PKD1L1: variants seen among roughly 807,000 people sequenced by gnomAD.
The protein encoded by PKD1L1 is polycystin-1-like protein 1.
In PKD1L1, 236 loss-of-function variants were observed where a neutral mutation model predicts 323.4. The observed-to-expected ratio is 0.73, with a 90% CI of 0.66 to 0.81. PKD1L1 has a LOEUF of 0.81. PKD1L1 is among the 40% of genes least tolerant of loss of function. The probability of loss-of-function intolerance (pLI) is 0.00; values close to 1 mark genes in which losing one functional copy is unlikely to be tolerated. For missense variants in PKD1L1, 3,320 were observed against 3,508.0 expected, an observed-to-expected ratio of 0.95 and a Z score of 1.35; for synonymous variants, 1,344 against 1,335.0, an observed-to-expected ratio of 1.01 and a Z score of -0.15.
At chr7:47,836,835 G>A in intron 37 of PKD1L1, 86 bp downstream of exon 37, 1 of 1,444,594 alleles carries the variant, frequency 6.9e-7, no homozygotes, top group Non-Finnish European at 9.4e-7. Flanking sequence ...TCGGAGAACT[G>A]TGAGCTTTGT....
At chr7:47,887,689 A>G (rs1188078439) in intron 17 of PKD1L1, among the ~76,000 whole-genome samples, 1 of 152,216 alleles carries the variant, frequency 6.6e-6, no homozygotes. Context: ...GTCACATCGC[A>G]GGTCCTTCTG....
intron 56 of PKD1L1, among the ~76,000 whole-genome samples, chr7:47,782,193 G>A (rs748531956): frequency 2.0e-4 from 30 of 152,188 alleles, no homozygotes; most frequent in Non-Finnish European, 4.0e-4. Flanking sequence ...AATGTCACCT[G>A]CAGATTTTGA....
chr7:47,855,393 G>A, intron 28 of PKD1L1, 128 bp from the exon 29 acceptor site: 1 of 584,808 alleles, frequency 1.7e-6, no homozygotes, highest in Non-Finnish European at 2.9e-6. Flanking sequence ...GATATTAGAA[G>A]CTAGCATACA....
rs1017494820 is a variant in PKD1L1, at chr7:47,861,679, G to A, written c.4150-2794C>T. Among the ~76,000 whole-genome samples the A allele has an allele frequency of 8.6e-5, 13 of 151,662 alleles. No homozygotes were observed. In the East Asian group the frequency reaches 2.2e-3, roughly 25 times the overall value. On this transcript the variant is annotated intron_variant, in intron 26 of 56. Transcript: ENST00000289672. ...GGGCGGATCACAAGGTCAGGAGATC[G>A]AGACCATCCTGGCTAACACAGTGAA...
At chr7:47,841,970 C>A (rs371192338) in intron 34 of PKD1L1, among the ~76,000 whole-genome samples, 25 of 152,274 alleles carry the variant, frequency 1.6e-4, no homozygotes, top group Non-Finnish European at 3.1e-4. Flanking sequence ...TCATCCTGTA[C>A]GAAGAACCAT....
At chr7:47,875,952 T>C (rs1786394519) in intron 23 of PKD1L1, 145 bp downstream of exon 23, 3 of 725,704 alleles carry the variant, frequency 4.1e-6, no homozygotes, top group Non-Finnish European at 4.1e-6. Flanking sequence ...CACTAAAAGG[T>C]AGATAATAAA....
At chr7:47,926,537 A>G (rs147826456) in intron 7 of PKD1L1, among the ~76,000 whole-genome samples, 3 of 152,308 alleles carry the variant, frequency 2.0e-5, no homozygotes, top group Admixed American at 6.5e-5. Context: ...GGTCACTCAT[A>G]TTTGGCTCAG....
intron 13 of PKD1L1, among the ~76,000 whole-genome samples, chr7:47,901,100 G>A (rs548813767): frequency 9.4e-4 from 143 of 152,094 alleles, no homozygotes; most frequent in African/African-American, 3.3e-3. Context: ...AGAACTCTGG[G>A]AGGCCAAGGC....
chr7:47,851,512 C>T (rs1785782304), intron 31 of PKD1L1, among the ~76,000 whole-genome samples: 1 of 152,096 alleles, frequency 6.6e-6, no homozygotes, highest in African/African-American at 2.4e-5. Flanking sequence ...AGAATGCCAG[C>T]TAATTCATGG....
Position 47,786,339 on chromosome 7 carries a change from C to T in PKD1L1, c.8526+6288G>A, listed in dbSNP as rs531122310. On this transcript the variant is annotated intron_variant, in intron 56 of 56. Coordinates refer to ENST00000289672, the MANE Select transcript of PKD1L1 (RefSeq NM_138295.5). ...GGAAGAAGCTGAGAGAAAATTCACC[C>T]TCTTGATGGCTTCCTGCTCCTAAGT... Among the ~76,000 whole-genome samples, 10 of 137,164 alleles carry T rather than the reference C, an allele frequency of 7.3e-5. No homozygotes were observed. The South Asian group carries it at 2.4e-3, about 33-fold the overall frequency. The allele number at this position is 137,164 out of a possible 152,430, so 90.0% of individuals were successfully genotyped here. A position where few individuals can be genotyped will look rare whatever the true frequency, so the allele number is the denominator to read the frequency against.
intron 26 of PKD1L1, among the ~76,000 whole-genome samples, chr7:47,864,450 T>C (rs1207584345): frequency 6.6e-6 from 1 of 152,122 alleles, no homozygotes; most frequent in Non-Finnish European, 1.5e-5. Context: ...CCCAATGCCA[T>C]GTGTTACCAA....
At position 47,819,657 on chromosome 7, in the gene PKD1L1, A is replaced by C. The variant is rs923425942; in HGVS notation, c.6965+1419T>G. 3.1e-5 allele frequency: 34 copies of C among 1,114,252 alleles called. No homozygotes were observed. The African/African-American group carries it at 5.4e-4, about 18-fold the overall frequency. 69.0% of individuals were successfully genotyped at this position (1,114,252 alleles called of 1,614,324 possible). A position where few individuals can be genotyped will look rare whatever the true frequency, so the allele number is the denominator to read the frequency against. On this transcript the variant is annotated intron_variant, in intron 46 of 56. Coordinates refer to ENST00000289672, the MANE Select transcript of PKD1L1 (RefSeq NM_138295.5). ...AATGCTCAGCAGAAAAAAAAAAACA[A>C]AACAACTTGGATTACTGAGCTACAG...
At chr7:47,905,413 G>A in intron 10 of PKD1L1, 88 bp from the exon 11 acceptor site, 5 of 1,412,816 alleles carry the variant, frequency 3.5e-6, no homozygotes, top group Non-Finnish European at 4.8e-6. Flanking sequence ...TTCCCACTTG[G>A]TCATGGGCTT....
In PKD1L1 at chr7:47,826,089, A is replaced by C. The variant is rs186752315; in HGVS notation, c.6854+1261T>G. The stretch of plus-strand genomic sequence containing the variant: ...ACTCACCTGTGAACTTGACTCTGCA[A>C]ACTCCTCCAAGATGCGCCCACCACA... On this transcript the variant is annotated intron_variant, in intron 45 of 56. Coordinates refer to ENST00000289672, the MANE Select transcript of PKD1L1 (RefSeq NM_138295.5). Among the ~76,000 whole-genome samples the C allele has an allele frequency of 4.9e-4, 75 of 152,214 alleles. 1 individual carries two copies. Among genetic ancestry groups the C allele is most frequent in the Admixed American group, 2.4e-3 (37 of 15,296 alleles).
chr7:47,846,816 A>T, intron 32 of PKD1L1, 63 bp downstream of exon 32: 1 of 1,492,578 alleles, frequency 6.7e-7, no homozygotes, highest in Non-Finnish European at 9.0e-7. Flanking sequence ...GGTTGGGCCA[A>T]ATGCAGAAGA....
At chr7:47,955,400 G>C in the PKD1L1 span, among the ~76,000 whole-genome samples, 1 of 151,938 alleles carries the variant, frequency 6.6e-6, no homozygotes, top group Admixed American at 6.6e-5. Flanking sequence ...TACAAAGATA[G>C]TAATACAATT....
chr7:47,949,252 C>G (rs906821727), upstream of PKD1L1, among the ~76,000 whole-genome samples: 8 of 151,546 alleles, frequency 5.3e-5, no homozygotes, highest in Non-Finnish European at 8.8e-5. Flanking sequence ...ACCTGTAGTC[C>G]CAGCTACTCG....
chr7:47,902,581 A>C, intron 12 of PKD1L1, 70 bp from the exon 13 acceptor site: 1 of 1,514,276 alleles, frequency 6.6e-7, no homozygotes, highest in Non-Finnish European at 9.0e-7. Context: ...TTCACTCTTC[A>C]TACCCACTCA....
chr7:47,898,400 A>G (rs114402222), intron 13 of PKD1L1, among the ~76,000 whole-genome samples: 2,394 of 152,242 alleles, frequency 0.016, 24 homozygotes, highest in Non-Finnish European at 0.026. Context: ...TTAAAAAAAA[A>G]CCAACTAAAA....
Sources: allele counts gnomAD v4.1 joint callset (sites outside exome capture counted in the v4.1 genomes callset), GRCh38; gene constraint gnomAD v4.1.1; transcripts MANE v1.5; gene names NCBI Gene and HGNC (gene_info 2026-07-23, HGNC 2026-07-21).